The following BMPR2 variants were observed in gnomAD, a reference collection of about 807,000 sequenced individuals.
The protein encoded by BMPR2 is bone morphogenetic protein receptor type-2.
A neutral mutation model predicts 100.8 loss-of-function variants in BMPR2; 29 were observed. That is an observed-to-expected ratio of 0.29 (90% CI 0.21 to 0.39). BMPR2 has a LOEUF of 0.39. Ranked by LOEUF, BMPR2 falls within the 10% of genes least tolerant of loss-of-function variation. The probability of loss-of-function intolerance (pLI) is 1.00; values close to 1 mark genes in which losing one functional copy is unlikely to be tolerated. For synonymous variants in BMPR2, 382 were observed against 442.3 expected (o/e 0.86, Z 1.71); for missense variants, 1,011 against 1,274.5 (o/e 0.79, Z 3.15).
intron 3 of BMPR2, among the ~76,000 whole-genome samples, chr2:202,480,198 TG>T (rs2105972707): frequency 6.6e-6 from 1 of 152,306 alleles, no homozygotes; most frequent in East Asian, 1.9e-4. Flanking sequence ...AGTGGTGCGA[TG>T]TCAGCTCACT....
rs556187623 is a variant in BMPR2, at chr2:202,565,049, A to AAAAAAAAAAAC, written c.*5111_*5112insAACAAAAAAAA. On this transcript the variant is annotated 3_prime_UTR_variant, in exon 13 of 13. Coordinates refer to ENST00000374580, the MANE Select transcript of BMPR2 (RefSeq NM_001204.7). Reference sequence around the variant, plus strand: ...GGGCTACAGAGTGAGACTCCATCTCAAAAAAAAACAAAAAAAATCACCTCA... The same window carrying AAAAAAAAAAAC: ...GGGCTACAGAGTGAGACTCCATCTCAAAAAAAAAAACAAAAAAAACAAAAAAAATCACCTCA... The AAAAAAAAAAAC allele has an allele frequency of 2.7e-5, 4 of 150,478 alleles. No homozygotes were observed. The highest frequency in any genetic ancestry group is 9.8e-5 in the African/African-American group (4 of 40,936). The allele number at this position is 150,478 out of a possible 1,614,324, so 9.3% of individuals were successfully genotyped here. A position where few individuals can be genotyped will look rare whatever the true frequency, so the allele number is the denominator to read the frequency against.
At chr2:202,407,181 G>C (rs1340061726) in intron 1 of BMPR2, among the ~76,000 whole-genome samples, 3 of 151,786 alleles carry the variant, frequency 2.0e-5, no homozygotes, top group African/African-American at 4.8e-5. Flanking sequence ...GACCTCAAAT[G>C]ATCCGCCTAC....
chr2:202,447,519 G>A (rs1691876137), intron 1 of BMPR2, among the ~76,000 whole-genome samples: 1 of 150,398 alleles, frequency 6.6e-6, no homozygotes, highest in Non-Finnish European at 1.5e-5. Context: ...TCTACAAAAT[G>A]TGTTTTAAAA....
intron 3 of BMPR2, among the ~76,000 whole-genome samples, chr2:202,497,661 G>A (rs971742325): frequency 4.6e-5 from 7 of 152,196 alleles, no homozygotes; most frequent in Non-Finnish European, 1.0e-4. Context: ...TGTCACCCAA[G>A]TGAGACTTGC....
intron 1 of BMPR2, among the ~76,000 whole-genome samples, chr2:202,439,174 G>T (rs1197131150): frequency 6.7e-6 from 1 of 149,852 alleles, no homozygotes; most frequent in Non-Finnish European, 1.5e-5. Flanking sequence ...TGTAAATCTT[G>T]CACTTCTTCT....
intron 1 of BMPR2, among the ~76,000 whole-genome samples, chr2:202,455,845 C>G (rs865901055): frequency 5.9e-5 from 9 of 151,728 alleles, no homozygotes; most frequent in South Asian, 2.1e-4. Flanking sequence ...GTGGGCAGAT[C>G]ATGAGGTCAG....
intron 1 of BMPR2, among the ~76,000 whole-genome samples, chr2:202,378,530 T>A (rs1223136514): frequency 6.6e-6 from 1 of 152,220 alleles, no homozygotes; most frequent in Non-Finnish European, 1.5e-5. Context: ...TTCTCATTGC[T>A]ATGTTAGATA....
At chr2:202,519,955 T>C (rs957037724) in intron 6 of BMPR2, 132 bp from the exon 7 acceptor site, 2 of 660,822 alleles carry the variant, frequency 3.0e-6, no homozygotes, top group Admixed American at 4.8e-5. Context: ...GATTCTGAAA[T>C]GTAGTAGTTC....
intron 3 of BMPR2, among the ~76,000 whole-genome samples, chr2:202,478,194 T>C (rs1455540443): frequency 1.3e-5 from 2 of 152,192 alleles, no homozygotes; most frequent in Non-Finnish European, 2.9e-5. Context: ...TGGTTTGAAA[T>C]GGCCTGCAAG....
chr2:202,508,494 C>A (rs1355295128), intron 3 of BMPR2, among the ~76,000 whole-genome samples: 3 of 152,156 alleles, frequency 2.0e-5, no homozygotes, highest in Non-Finnish European at 2.9e-5. Context: ...AAGGTGTGAT[C>A]AATGTATGTA....
rs773751654 is a variant in BMPR2 at position 202,555,837 on chromosome 2, A to G, written c.2172A>G (p.Thr724=). ...AAGCAACTGGACAGCAGGACTTCAC[A>G]CAGACTGCAAATGGCCAAGCATGTT... ...AVEATGQQDF[T]QTANGQACLI... is the part of the protein sequence containing the mutation. The change falls in exon 12 of 13, where the codon ACA becomes ACG. Residue 724 remains threonine, a synonymous_variant. Transcript: ENST00000374580. The G allele has an allele frequency of 1.2e-6, 2 of 1,614,140 alleles. No individual in the cohort carries two copies. The highest frequency in any genetic ancestry group is 1.7e-6 in the Non-Finnish European group (2 of 1,180,030).
chr2:202,401,486 A>G (rs1690767897), intron 1 of BMPR2, among the ~76,000 whole-genome samples: 1 of 152,214 alleles, frequency 6.6e-6, no homozygotes, highest in African/African-American at 2.4e-5. Context: ...GGAGATAATG[A>G]TCAGTAGACC....
chr2:202,559,443 T>C (rs965877378), intron 12 of BMPR2, among the ~76,000 whole-genome samples: 1 of 152,212 alleles, frequency 6.6e-6, no homozygotes, highest in Non-Finnish European at 1.5e-5. Flanking sequence ...TGTTCTCCTG[T>C]GTTTTGTGTG....
At chr2:202,388,416 A>AAC (rs1690477654) in intron 1 of BMPR2, among the ~76,000 whole-genome samples, 1 of 150,460 alleles carries the variant, frequency 6.6e-6, no homozygotes, top group Non-Finnish European at 1.5e-5. Flanking sequence ...AAAAAAAAAA[A>AAC]AAAACATTGT....
At chr2:202,447,839 A>T (rs1198052051) in intron 1 of BMPR2, among the ~76,000 whole-genome samples, 1 of 150,576 alleles carries the variant, frequency 6.6e-6, no homozygotes, top group African/African-American at 2.5e-5. Context: ...TTATTTTATG[A>T]TGCTCTCCAG....
chr2:202,495,598 A>G lies in BMPR2; in HGVS notation c.419-18121A>G, dbSNP rs1693009198. On this transcript the variant is annotated intron_variant, in intron 3 of 12. Coordinates refer to ENST00000374580, the MANE Select transcript of BMPR2 (RefSeq NM_001204.7). This position sits in a 1 kb window ranked among gnomAD's most constrained non-coding sequence, Gnocchi z 4.5. Reference sequence around the variant, plus strand: ...TGGAAATGCAACATTTGGACGGGAAAGCAGGAGTGCCTGTCCTCACCTAGG... The same window carrying G: ...TGGAAATGCAACATTTGGACGGGAAGGCAGGAGTGCCTGTCCTCACCTAGG... 6.6e-6 allele frequency among the ~76,000 whole-genome samples: 1 copy of G among 152,092 alleles called. No homozygotes were observed. Among genetic ancestry groups the G allele is most frequent in the Admixed American group, 6.6e-5 (1 of 15,260 alleles).
chr2:202,510,253 CT>C, intron 3 of BMPR2, among the ~76,000 whole-genome samples: 1 of 152,260 alleles, frequency 6.6e-6, no homozygotes, highest in Non-Finnish European at 1.5e-5. Context: ...CCTGTCTGTA[CT>C]AAAAAATACA....
intron 1 of BMPR2, among the ~76,000 whole-genome samples, chr2:202,419,099 T>G (rs573607074): frequency 6.6e-6 from 1 of 152,142 alleles, no homozygotes; most frequent in African/African-American, 2.4e-5. Flanking sequence ...GATAGAAATT[T>G]GAGGAGAAGA....
chr2:202,406,772 C>T (rs1487955938), intron 1 of BMPR2, among the ~76,000 whole-genome samples: 1 of 152,124 alleles, frequency 6.6e-6, no homozygotes, highest in Non-Finnish European at 1.5e-5. Context: ...TCAAGTGTTT[C>T]ACTTGGTTGC....
Sources: gnomAD v4.1 joint callset for allele counts (sites outside exome capture counted in the v4.1 genomes callset) on GRCh38, gnomAD v4.1.1 for gene constraint, Gnocchi (gnomAD v3.1) non-coding constraint, MANE v1.5 for transcripts, NCBI Gene and HGNC (gene_info 2026-07-23, HGNC 2026-07-21) for gene names.